MS4A4A: variants seen among roughly 807,000 people sequenced by gnomAD.
The protein encoded by MS4A4A is membrane-spanning 4-domains subfamily A member 4A.
MS4A4A carries 26 observed loss-of-function variants against 28.0 expected under a neutral mutation model. The observed-to-expected ratio is 0.93, with a 90% confidence interval of 0.68 to 1.29. The LOEUF (loss-of-function observed/expected upper bound fraction) is 1.29. Among genes scored for constraint, MS4A4A ranks in the 50% most tolerant of loss-of-function variants. The pLI, the probability that MS4A4A is intolerant of heterozygous loss-of-function variation, is 0.00. For missense variants in MS4A4A, 290 were observed against 293.1 expected (o/e 0.99, Z 0.08); for synonymous variants, 86 against 100.8 (o/e 0.85, Z 0.88).
chr11:60,295,503 T>C (rs1335115837), intron 2 of MS4A4A, among the ~76,000 whole-genome samples: 1 of 152,102 alleles, frequency 6.6e-6, no homozygotes, highest in Non-Finnish European at 1.5e-5. Context: ...TCTTACTGTT[T>C]CTGCTATGAC....
At chr11:60,305,882 T>C in intron 5 of MS4A4A, 1 of 543,074 alleles carries the variant, frequency 1.8e-6, no homozygotes, top group Admixed American at 3.3e-5. Flanking sequence ...TGGGAGGTGC[T>C]GAACTAGGGA....
Position 60,308,551 on chromosome 11 carries a change from AT to A in MS4A4A, c.*375del, listed in dbSNP as rs1207731313. ...GGAAGCAGAAGAGCAAAAAAAAGAT[AT>A]TGTTAAAATGAGGCCTCCATGCAAA... On this transcript the variant is annotated 3_prime_UTR_variant, in exon 7 of 7. Coordinates refer to ENST00000337908, the MANE Select transcript of MS4A4A (RefSeq NM_148975.3). 1.2e-5 allele frequency: 2 copies of A among 172,802 alleles called. No individual in the cohort carries two copies. The highest frequency in any genetic ancestry group is 2.4e-5 in the Non-Finnish European group (2 of 82,246). The allele number at this position is 172,802 out of a possible 1,614,324, so 10.7% of individuals were successfully genotyped here.
intron 1 of MS4A4A, chr11:60,290,216 T>C (rs2084842609): frequency 6.3e-6 from 2 of 317,226 alleles, no homozygotes; most frequent in Non-Finnish European, 1.3e-5. Context: ...TATCAACTGA[T>C]GTATTTAATT....
chr11:60,291,632 T>G (rs947067537), intron 1 of MS4A4A, among the ~76,000 whole-genome samples: 8 of 151,920 alleles, frequency 5.3e-5, no homozygotes, highest in South Asian at 2.1e-4. Flanking sequence ...ACTCTGTCTC[T>G]ACTAAAAATA....
At chr11:60,287,953 A>AT (rs2084817155) in intron 1 of MS4A4A, among the ~76,000 whole-genome samples, 2 of 152,300 alleles carry the variant, frequency 1.3e-5, no homozygotes, top group South Asian at 4.2e-4. Context: ...GGGGACACTG[A>AT]TTGGGGCCCT....
rs749070527 is a variant in MS4A4A, at chr11:60,308,087, G to T, written c.649-20G>T. On this transcript the variant is annotated intron_variant, in intron 6 of 6. Transcript: ENST00000337908. ...AGGTGATTTGGGTGACTCACCTTTGGCATTCTGATTGTTTCACAGGTTGTG... is the reference window on the plus strand; with the variant it reads ...AGGTGATTTGGGTGACTCACCTTTGTCATTCTGATTGTTTCACAGGTTGTG... 1 of 1,613,032 alleles carries T rather than the reference G, an allele frequency of 6.2e-7. No individual in the cohort carries two copies. The highest frequency in any genetic ancestry group is 8.5e-7 in the Non-Finnish European group (1 of 1,179,292).
At chr11:60,287,569 C>A (rs1353715327) in intron 1 of MS4A4A, among the ~76,000 whole-genome samples, 1 of 152,138 alleles carries the variant, frequency 6.6e-6, no homozygotes, top group Non-Finnish European at 1.5e-5. Context: ...TACAACCCTC[C>A]AAAACTCATG....
intron 2 of MS4A4A, among the ~76,000 whole-genome samples, chr11:60,295,073 G>T (rs760904686): frequency 2.6e-5 from 4 of 151,968 alleles, no homozygotes; most frequent in Non-Finnish European, 5.9e-5. Context: ...TACTGATCAA[G>T]TTGGAAAGAA....
At chr11:60,292,087 C>A in intron 1 of MS4A4A, 138 bp from the exon 2 acceptor site, 2 of 1,091,452 alleles carry the variant, frequency 1.8e-6, no homozygotes, top group Non-Finnish European at 2.4e-6. Flanking sequence ...TATTCCACTT[C>A]CCCAGCTCTA....
intron 5 of MS4A4A, among the ~76,000 whole-genome samples, chr11:60,303,026 G>A (rs918738103): frequency 2.0e-5 from 3 of 152,120 alleles, no homozygotes; most frequent in Non-Finnish European, 2.9e-5. Context: ...GATGCAGTAC[G>A]TACTGTTATC....
At chr11:60,300,476 C>T (rs1341737837) in intron 3 of MS4A4A, among the ~76,000 whole-genome samples, 2 of 151,990 alleles carry the variant, frequency 1.3e-5, no homozygotes, top group East Asian at 1.9e-4. Flanking sequence ...ATTAGCCCAG[C>T]GTAGTGGCGG....
intron 1 of MS4A4A, among the ~76,000 whole-genome samples, chr11:60,285,296 G>A (rs2084794401): frequency 6.6e-6 from 1 of 152,110 alleles, no homozygotes; most frequent in Non-Finnish European, 1.5e-5. Flanking sequence ...TTGAGCCCTG[G>A]AGTTTGAGAC....
intron 1 of MS4A4A, among the ~76,000 whole-genome samples, chr11:60,289,094 C>T (rs1035618705): frequency 6.6e-6 from 1 of 152,044 alleles, no homozygotes; most frequent in Non-Finnish European, 1.5e-5. Flanking sequence ...GTGGTTAAGC[C>T]TCAGAGATAG....
chr11:60,291,537 C>T (rs1016336853), intron 1 of MS4A4A, among the ~76,000 whole-genome samples: 1 of 152,080 alleles, frequency 6.6e-6, no homozygotes, highest in Admixed American at 6.6e-5. Flanking sequence ...CGGTGGCTCA[C>T]ACCTGTAATT....
intron 5 of MS4A4A, among the ~76,000 whole-genome samples, chr11:60,303,785 C>G (rs1045756687): frequency 2.0e-5 from 3 of 152,178 alleles, no homozygotes; most frequent in Non-Finnish European, 2.9e-5. Flanking sequence ...GAACTTTCAG[C>G]CTTTCACCTT....
In MS4A4A at chr11:60,308,371, T is replaced by C. The variant is rs1326725594; in HGVS notation, c.*193T>C. The stretch of plus-strand genomic sequence containing the variant: ...ATTCAAAATTATGTTCTCATTTTTT[T>C]CCCTGGAACTCAATAACTCATTTCA... On this transcript the variant is annotated 3_prime_UTR_variant, in exon 7 of 7. Transcript: ENST00000337908. The C allele has an allele frequency of 2.0e-6, 1 of 510,384 alleles. No individual in the cohort carries two copies. The allele number at this position is 510,384 out of a possible 1,614,324, so 31.6% of individuals were successfully genotyped here. A position where few individuals can be genotyped will look rare whatever the true frequency, so the allele number is the denominator to read the frequency against.
At chr11:60,290,600 T>G (rs1036673320) in intron 1 of MS4A4A, among the ~76,000 whole-genome samples, 74 of 152,090 alleles carry the variant, frequency 4.9e-4, no homozygotes, top group African/African-American at 1.4e-3. Flanking sequence ...TATATTTGTC[T>G]TTCTTTTTTA....
At chr11:60,291,107 A>C (rs529200792) in intron 1 of MS4A4A, among the ~76,000 whole-genome samples, 1 of 152,342 alleles carries the variant, frequency 6.6e-6, no homozygotes, top group South Asian at 2.1e-4. Context: ...AAAAATTTCC[A>C]TGTGACTTTA....
At chr11:60,293,981 T>C (rs919876994) in intron 2 of MS4A4A, among the ~76,000 whole-genome samples, 5 of 152,202 alleles carry the variant, frequency 3.3e-5, no homozygotes, top group African/African-American at 1.2e-4. Context: ...TTTGGTTAAG[T>C]ATGATTAGTG....
Sources: gnomAD v4.1 joint callset for allele counts (sites outside exome capture counted in the v4.1 genomes callset) on GRCh38, gnomAD v4.1.1 for gene constraint, MANE v1.5 for transcripts, NCBI Gene and HGNC (gene_info 2026-07-23, HGNC 2026-07-21) for gene names.